Variants in HSD17B3 observed in about 807,000 individuals in gnomAD.
HSD17B3 encodes hydroxysteroid 17-beta dehydrogenase 3, also known as 17-beta-hydroxysteroid dehydrogenase type 3.
In HSD17B3, 29 loss-of-function variants were observed where a neutral mutation model predicts 41.1. That is an observed-to-expected ratio of 0.71 (90% CI 0.53 to 0.96). The LOEUF is 0.96. Ranked by LOEUF, HSD17B3 falls within the 40% of genes least tolerant of loss-of-function variation. The pLI, the probability that HSD17B3 is intolerant of heterozygous loss-of-function variation, is 0.00. For missense variants in HSD17B3, 323 were observed against 374.6 expected, an observed-to-expected ratio of 0.86 and a Z score of 1.14; for synonymous variants, 126 against 145.6, an observed-to-expected ratio of 0.87 and a Z score of 0.97.
chr9:96,273,343 A>G (rs1826333394), intron 2 of HSD17B3, among the ~76,000 whole-genome samples: 1 of 152,202 alleles, frequency 6.6e-6, no homozygotes, highest in East Asian at 1.9e-4. Flanking sequence ...TCAGTGGAGC[A>G]CAAAAACTGA....
chr9:96,295,182 T>C (rs2130795840), intron 2 of HSD17B3, among the ~76,000 whole-genome samples: 1 of 151,654 alleles, frequency 6.6e-6, no homozygotes, highest in Middle Eastern at 3.4e-3. Flanking sequence ...AATTTTTGTA[T>C]TTTTAGTAGA....
chr9:96,262,649 A>G (rs139427470), intron 2 of HSD17B3, among the ~76,000 whole-genome samples: 3,725 of 152,154 alleles, frequency 0.024, 200 homozygotes, highest in Admixed American at 0.13. Context: ...TAATATGAAT[A>G]TTTTCCTTTT....
intron 2 of HSD17B3, among the ~76,000 whole-genome samples, chr9:96,276,698 T>C (rs1826471383): frequency 6.6e-6 from 1 of 152,096 alleles, no homozygotes; most frequent in African/African-American, 2.4e-5. Context: ...AAACTAGATA[T>C]CCGCATGCAG....
chr9:96,290,799 A>C (rs529231392), intron 2 of HSD17B3, among the ~76,000 whole-genome samples: 97 of 151,604 alleles, frequency 6.4e-4, no homozygotes, highest in Admixed American at 1.3e-3. Context: ...GCGCCACTGC[A>C]CTCCAGTTTG....
chr9:96,294,628 T>G (rs889937096), intron 2 of HSD17B3, among the ~76,000 whole-genome samples: 2 of 152,204 alleles, frequency 1.3e-5, no homozygotes, highest in African/African-American at 4.8e-5. Context: ...CCAGGGAACT[T>G]AGAGGTAAGG....
intron 2 of HSD17B3, among the ~76,000 whole-genome samples, chr9:96,271,613 C>G (rs116603639): frequency 6.6e-6 from 1 of 152,128 alleles, no homozygotes; most frequent in Non-Finnish European, 1.5e-5. Context: ...GTGTTATGAT[C>G]CAGCTTCAAC....
chr9:96,272,405 C>CTCTCTCTCTCTATATATATA (rs1239816824), intron 2 of HSD17B3, among the ~76,000 whole-genome samples: 1 of 21,538 alleles, frequency 4.6e-5, no homozygotes, highest in Non-Finnish European at 8.8e-5. Flanking sequence ...CTCTCTCTCT[C>CTCTCTCTCTCTATATATATA]TATATATATA....
At chr9:96,272,401 CTCTCTATA>C (rs1432115073) in intron 2 of HSD17B3, among the ~76,000 whole-genome samples, 10 of 30,666 alleles carry the variant, frequency 3.3e-4, no homozygotes, top group African/African-American at 1.2e-3. Flanking sequence ...CTCTCTCTCT[CTCTCTATA>C]TATATATATA....
chr9:96,237,641 T>C (rs1836284072), intron 10 of HSD17B3, among the ~76,000 whole-genome samples: 1 of 152,184 alleles, frequency 6.6e-6, no homozygotes, highest in African/African-American at 2.4e-5. Context: ...TGATACATGG[T>C]TGCCTCTCTC....
At chr9:96,297,837 C>T (rs753848989) in intron 2 of HSD17B3, among the ~76,000 whole-genome samples, 12 of 151,992 alleles carry the variant, frequency 7.9e-5, no homozygotes, top group Middle Eastern at 3.4e-3. Context: ...CATATAAAAC[C>T]ACATATGTTA....
At chr9:96,240,709 T>A in intron 10 of HSD17B3, 49 bp downstream of exon 10, 1 of 1,604,808 alleles carries the variant, frequency 6.2e-7, no homozygotes. Flanking sequence ...CAGGGCCACC[T>A]GCGTGTCCTC....
rs540519517 is a variant in HSD17B3 at position 96,252,959 on chromosome 9, C to T, written c.278-49G>A. 98 of 1,179,218 alleles carry T rather than the reference C, an allele frequency of 8.3e-5. No individual in the cohort carries two copies. The South Asian group carries it at 1.1e-3, about 14-fold the overall frequency. The allele number at this position is 1,179,218 out of a possible 1,614,324, so 73.0% of individuals were successfully genotyped here. On this transcript the variant is annotated intron_variant, in intron 3 of 10. Transcript: ENST00000375263. ...TTAATGAACAGGGATCCAAATGCCCCCTCGCCCATGAAGTTTCCCCCAGTG... is the reference window on the plus strand; with the variant it reads ...TTAATGAACAGGGATCCAAATGCCCTCTCGCCCATGAAGTTTCCCCCAGTG...
rs754889908 is a variant in HSD17B3 at position 96,235,452 on chromosome 9, C to T, written c.*8G>A. The T allele has an allele frequency of 1.0e-5, 16 of 1,605,222 alleles. No individual in the cohort carries two copies. The highest frequency in any genetic ancestry group is 1.7e-4 in the Middle Eastern group (1 of 6,056). ...GGAAAAGGTTGTGCTGGACTCCTCACCGCCTGGCTACCTGACCTTGGTGTT... is the reference window on the plus strand; with the variant it reads ...GGAAAAGGTTGTGCTGGACTCCTCATCGCCTGGCTACCTGACCTTGGTGTT... On this transcript the variant is annotated 3_prime_UTR_variant, in exon 11 of 11. Transcript: ENST00000375263.
chr9:96,278,488 T>G (rs929695631), intron 2 of HSD17B3, among the ~76,000 whole-genome samples: 2 of 152,104 alleles, frequency 1.3e-5, no homozygotes, highest in African/African-American at 4.8e-5. Flanking sequence ...TACACAAAAA[T>G]TAGATGGCAG....
intron 2 of HSD17B3, among the ~76,000 whole-genome samples, chr9:96,286,689 CAA>C (rs34712901): frequency 9.8e-6 from 1 of 102,454 alleles, no homozygotes. Context: ...GACCCTGTCT[CAA>C]AAAAAAAAAA....
intron 2 of HSD17B3, among the ~76,000 whole-genome samples, chr9:96,289,310 T>C (rs1401892833): frequency 1.3e-5 from 2 of 152,022 alleles, no homozygotes; most frequent in Admixed American, 6.6e-5. Flanking sequence ...TCTGCTCAAT[T>C]TTTCTATGAA....
chr9:96,276,303 T>C (rs926516194), intron 2 of HSD17B3, among the ~76,000 whole-genome samples: 4 of 151,984 alleles, frequency 2.6e-5, no homozygotes, highest in African/African-American at 9.7e-5. Context: ...GATAGAAGAA[T>C]TAATACTGTT....
Position 96,235,381 on chromosome 9 carries a change from G to T in HSD17B3, c.*79C>A. The T allele has an allele frequency of 3.1e-6, 3 of 953,468 alleles. No individual in the cohort carries two copies. Among genetic ancestry groups the T allele is most frequent in the Non-Finnish European group, 5.0e-6 (3 of 597,918 alleles). The allele number at this position is 953,468 out of a possible 1,614,324, so 59.1% of individuals were successfully genotyped here. ...CATCTTCAGCGGACTAGGTTGAAGTGCTGGTCTGCTCCTCTGGTCCTCTTC... is the reference window on the plus strand; with the variant it reads ...CATCTTCAGCGGACTAGGTTGAAGTTCTGGTCTGCTCCTCTGGTCCTCTTC... On this transcript the variant is annotated 3_prime_UTR_variant, in exon 11 of 11. Transcript: ENST00000375263.
intron 6 of HSD17B3, 39 bp downstream of exon 6, chr9:96,249,712 T>C (rs1158389088): frequency 1.2e-6 from 2 of 1,600,678 alleles, no homozygotes; most frequent in African/African-American, 1.3e-5. Context: ...TTCAAGTTAC[T>C]ACATGTTAAT....
Sources: gnomAD v4.1 joint callset for allele counts (sites outside exome capture counted in the v4.1 genomes callset) on GRCh38, gnomAD v4.1.1 for gene constraint, MANE v1.5 for transcripts, NCBI Gene and HGNC (gene_info 2026-07-23, HGNC 2026-07-21) for gene names.